PITPNM2: variants seen among roughly 807,000 people sequenced by gnomAD.
PITPNM2 encodes the protein phosphatidylinositol transfer protein membrane associated 2.
PITPNM2 carries 35 observed loss-of-function variants against 132.2 expected under a neutral mutation model. The observed-to-expected ratio is 0.26, with a 90% confidence interval of 0.20 to 0.35. The LOEUF is 0.35. PITPNM2 is among the 10% of genes least tolerant of loss of function. PITPNM2 has a pLI of 1.00. For synonymous variants in PITPNM2, 738 were observed against 799.2 expected, an observed-to-expected ratio of 0.92 and a Z score of 1.29; for missense variants, 1,332 against 1,912.0, an observed-to-expected ratio of 0.70 and a Z score of 5.66.
chr12:123,031,087 T>A lies in PITPNM2; in HGVS notation c.78+3426A>T, dbSNP rs140130657. On this transcript the variant is annotated intron_variant, in intron 3 of 25. Transcript: ENST00000320201. The surrounding 1 kb of genome is among the most constrained non-coding windows in gnomAD (Gnocchi z 4.5). ...GTTGGTGGTTGCACAACATTGTGAG[T>A]ATACTAAATGCCACTGAATTGTTCA... 6.6e-6 allele frequency among the ~76,000 whole-genome samples: 1 copy of A among 152,192 alleles called. No individual in the cohort carries two copies. The highest frequency in any genetic ancestry group is 1.5e-5 in the Non-Finnish European group (1 of 68,028).
In PITPNM2 at chr12:122,993,400, T is replaced by C. The variant is rs1186671564; in HGVS notation, c.2234-731A>G. Among the ~76,000 whole-genome samples, 3 of 152,224 alleles carry C rather than the reference T, an allele frequency of 2.0e-5. No homozygotes were observed. The highest frequency in any genetic ancestry group is 1.3e-4 in the Admixed American group (2 of 15,274). On this transcript the variant is annotated intron_variant, in intron 15 of 25. Transcript: ENST00000320201. The surrounding 1 kb of genome is among the most constrained non-coding windows in gnomAD (Gnocchi z 5.2). ...TCACGTGAATGCAAGGTTGTGTTAATTATTAGTGCTGTATCTCACTTTTAG... is the reference window on the plus strand; with the variant it reads ...TCACGTGAATGCAAGGTTGTGTTAACTATTAGTGCTGTATCTCACTTTTAG...
rs1167089239 is a variant in PITPNM2 at position 123,005,451 on chromosome 12, C to T, written c.741G>A (p.Lys247=). ...LSMENIRELE[K]EAQLMLSRKM... is the part of the protein sequence containing the mutation. ...TACGGGAAAGCATGAGCTGTGCCTC[C>T]TTCTCCAGCTCCCGGATGTTCTCCA... The change falls in exon 7 of 26, where the codon AAG becomes AAA. Residue 247 remains lysine, a synonymous_variant. Coordinates refer to ENST00000320201, the MANE Select transcript of PITPNM2 (RefSeq NM_020845.3). The surrounding 1 kb of genome is among the most constrained non-coding windows in gnomAD (Gnocchi z 6.2). 2 of 1,614,004 alleles carry T rather than the reference C, an allele frequency of 1.2e-6. No individual in the cohort carries two copies. Among genetic ancestry groups the T allele is most frequent in the African/African-American group, 1.3e-5 (1 of 74,910 alleles).
At chr12:123,132,871 T>C (rs1401014398) in intron 1 of PITPNM2, among the ~76,000 whole-genome samples, 2 of 152,214 alleles carry the variant, frequency 1.3e-5, no homozygotes, top group African/African-American at 2.4e-5. Flanking sequence ...TAAAGAGGAA[T>C]GGAATGCTGA....
At chr12:123,151,417 T>A (rs932002729), upstream of PITPNM2, among the ~76,000 whole-genome samples, 1 of 152,116 alleles carries the variant, frequency 6.6e-6, no homozygotes, top group Admixed American at 6.5e-5. Flanking sequence ...ACCGGCCGAC[T>A]TGCGGCCACT....
At chr12:123,121,929 A>G (rs902009867) in intron 1 of PITPNM2, among the ~76,000 whole-genome samples, 2 of 151,986 alleles carry the variant, frequency 1.3e-5, no homozygotes, top group African/African-American at 4.8e-5. Context: ...ATCTTGGCTC[A>G]CTGCAACGTC....
At position 123,013,642 on chromosome 12, in the gene PITPNM2, C is replaced by G. The variant is rs542077694; in HGVS notation, c.293+186G>C. Among the ~76,000 whole-genome samples, 35 of 152,348 alleles carry G rather than the reference C, an allele frequency of 2.3e-4. 1 individual carries two copies. The South Asian group carries it at 7.0e-3, about 31-fold the overall frequency. The stretch of plus-strand genomic sequence containing the variant: ...CATCTAGGGGTATATCCTTCCCTCT[C>G]TTGCCTGTGCCTGCCCTAGGTGACC... On this transcript the variant is annotated intron_variant, in intron 4 of 25. Transcript: ENST00000320201.
At position 123,034,570 on chromosome 12, in the gene PITPNM2, C is replaced by A. The variant is rs1303156922; in HGVS notation, c.21G>T (p.Arg7=). The A allele has an allele frequency of 1.2e-6, 2 of 1,614,146 alleles. No homozygotes were observed. The highest frequency in any genetic ancestry group is 1.7e-6 in the Non-Finnish European group (2 of 1,179,988). Residue 7 remains arginine (R), a synonymous_variant, in exon 3 of 26, where the codon CGG becomes CGT. Transcript: ENST00000320201. MIIKEY[R]IPLPMTVEEY... ...CCTCCACGGTCATTGGCAGAGGAAT[C>A]CGATATTCCTTTATAATCATCTTGG...
intron 1 of PITPNM2, among the ~76,000 whole-genome samples, chr12:123,134,096 C>G (rs112088636): frequency 6.6e-6 from 1 of 152,086 alleles, no homozygotes; most frequent in Non-Finnish European, 1.5e-5. Flanking sequence ...GATCGAGTCT[C>G]GCTCTGTTGC....
Position 123,009,001 on chromosome 12 carries a change from A to C in PITPNM2, c.643+849T>G, listed in dbSNP as rs1281235017. 3.3e-5 allele frequency among the ~76,000 whole-genome samples: 5 copies of C among 152,220 alleles called. No individual in the cohort carries two copies. The highest frequency in any genetic ancestry group is 7.3e-5 in the Non-Finnish European group (5 of 68,040). On this transcript the variant is annotated intron_variant, in intron 6 of 25. Coordinates refer to ENST00000320201, the MANE Select transcript of PITPNM2 (RefSeq NM_020845.3). The surrounding 1 kb of genome is among the most constrained non-coding windows in gnomAD (Gnocchi z 4.8). ...CTGGGATGGGAGGCAGATCTAGTTCAGCCCCAGTGTTGGGTCTCTGCTTCC... is the reference window on the plus strand; with the variant it reads ...CTGGGATGGGAGGCAGATCTAGTTCCGCCCCAGTGTTGGGTCTCTGCTTCC...
At chr12:123,102,928 G>T (rs2042600425) in intron 2 of PITPNM2, among the ~76,000 whole-genome samples, 1 of 152,164 alleles carries the variant, frequency 6.6e-6, no homozygotes, top group African/African-American at 2.4e-5. Flanking sequence ...ACTGAATCAT[G>T]AATTTGTTTA....
At chr12:123,067,582 C>T (rs941952675) in intron 2 of PITPNM2, among the ~76,000 whole-genome samples, 1 of 152,148 alleles carries the variant, frequency 6.6e-6, no homozygotes, top group Non-Finnish European at 1.5e-5. Context: ...GATGCAGCCA[C>T]AAGCCAAGGA....
chr12:122,987,707 C>T (rs759704259), intron 21 of PITPNM2, 48 bp from the exon 22 acceptor site: 4 of 1,611,276 alleles, frequency 2.5e-6, no homozygotes, highest in South Asian at 1.1e-5. Context: ...GGCCTCTCCA[C>T]CCCCTGCACC....
chr12:123,009,203 C>T lies in PITPNM2; in HGVS notation c.643+647G>A, dbSNP rs1007230492. On this transcript the variant is annotated intron_variant, in intron 6 of 25. Coordinates refer to ENST00000320201, the MANE Select transcript of PITPNM2 (RefSeq NM_020845.3). This position sits in a 1 kb window ranked among gnomAD's most constrained non-coding sequence, Gnocchi z 4.8. ...CTTTTGGGTCATGGGCCTCAGGGACCGGAACCAGCTCTTGGAATGACATCA... is the reference window on the plus strand; with the variant it reads ...CTTTTGGGTCATGGGCCTCAGGGACTGGAACCAGCTCTTGGAATGACATCA... 6.6e-6 allele frequency among the ~76,000 whole-genome samples: 1 copy of T among 152,158 alleles called. No individual in the cohort carries two copies. The highest frequency in any genetic ancestry group is 2.4e-5 in the African/African-American group (1 of 41,426).
chr12:123,042,790 C>A (rs1240842553), intron 2 of PITPNM2, among the ~76,000 whole-genome samples: 3 of 152,138 alleles, frequency 2.0e-5, no homozygotes, highest in Non-Finnish European at 2.9e-5. Context: ...CCAGATGCAG[C>A]CAGACAAGGC....
At chr12:123,021,322 G>A (rs2039663833) in intron 3 of PITPNM2, among the ~76,000 whole-genome samples, 2 of 152,134 alleles carry the variant, frequency 1.3e-5, no homozygotes, top group Non-Finnish European at 2.9e-5. Context: ...CCCACCTGCT[G>A]AGAATTTCAG....
Position 122,994,595 on chromosome 12 carries a change from A to G in PITPNM2, c.2233+206T>C, listed in dbSNP as rs1018508199. Among the ~76,000 whole-genome samples the G allele has an allele frequency of 5.3e-5, 8 of 152,162 alleles. No homozygotes were observed. The highest frequency in any genetic ancestry group is 1.2e-4 in the Non-Finnish European group (8 of 68,008). On this transcript the variant is annotated intron_variant, in intron 15 of 25. Coordinates refer to ENST00000320201, the MANE Select transcript of PITPNM2 (RefSeq NM_020845.3). The surrounding 1 kb of genome is among the most constrained non-coding windows in gnomAD (Gnocchi z 5.4). The stretch of plus-strand genomic sequence containing the variant: ...CATCCACAGGCACCCCGGAGATGAA[A>G]TGAAACAGCAGGTGTCACGGACGGC...
intron 2 of PITPNM2, among the ~76,000 whole-genome samples, chr12:123,043,012 C>T (rs1566263901): frequency 6.6e-6 from 1 of 152,072 alleles, no homozygotes; most frequent in Non-Finnish European, 1.5e-5. Context: ...GAGCTGAAAG[C>T]AGGAGAGGTC....
At chr12:123,129,310 T>C (rs560675746) in intron 1 of PITPNM2, among the ~76,000 whole-genome samples, 19 of 152,172 alleles carry the variant, frequency 1.2e-4, no homozygotes, top group Middle Eastern at 3.4e-3. Flanking sequence ...GGCTCACGCC[T>C]GTAATCCCAG....
chr12:123,100,420 G>C (rs1019134885), intron 2 of PITPNM2, among the ~76,000 whole-genome samples: 1 of 152,198 alleles, frequency 6.6e-6, no homozygotes, highest in Non-Finnish European at 1.5e-5. Context: ...GAGGTCAGGA[G>C]ATCGAGACCA....
Sources: allele counts gnomAD v4.1 joint callset (sites outside exome capture counted in the v4.1 genomes callset), GRCh38; gene constraint gnomAD v4.1.1; non-coding constraint Gnocchi (gnomAD v3.1); transcripts MANE v1.5; gene names NCBI Gene and HGNC (gene_info 2026-07-23, HGNC 2026-07-21).